The following COP1 variants were observed in gnomAD, a reference collection of about 807,000 sequenced individuals.
COP1 encodes E3 ubiquitin-protein ligase COP1.
A neutral mutation model predicts 101.3 loss-of-function variants in COP1; 24 were observed. The observed-to-expected ratio is 0.24, with a 90% CI of 0.17 to 0.33. The LOEUF is 0.33. Among genes scored for constraint, COP1 ranks in the 10% least tolerant of loss-of-function variants. The pLI is 1.00. For missense variants in COP1, 663 were observed against 906.2 expected, an observed-to-expected ratio of 0.73 and a Z score of 3.45; for synonymous variants, 347 against 341.9, an observed-to-expected ratio of 1.01 and a Z score of -0.17.
chr1:176,151,231 G>C (rs532765977), intron 5 of COP1, among the ~76,000 whole-genome samples: 1 of 136,664 alleles, frequency 7.3e-6, no homozygotes, highest in East Asian at 2.1e-4. Context: ...AGAATAAAGA[G>C]AAATGTATTT....
chr1:176,008,758 T>TA (rs1362457808), intron 15 of COP1, among the ~76,000 whole-genome samples: 36 of 152,340 alleles, frequency 2.4e-4, no homozygotes, highest in African/African-American at 7.7e-4. Flanking sequence ...GTTTGTGGTT[T>TA]AATGACTTCC....
chr1:176,119,216 A>C (rs1686700466), intron 8 of COP1, among the ~76,000 whole-genome samples: 2 of 152,234 alleles, frequency 1.3e-5, no homozygotes. Flanking sequence ...AATGCAATGC[A>C]TTAAAAATCT....
chr1:176,183,736 T>C (rs948904903), intron 2 of COP1, among the ~76,000 whole-genome samples: 4 of 152,086 alleles, frequency 2.6e-5, no homozygotes, highest in East Asian at 1.9e-4. Flanking sequence ...ATAAACAAAA[T>C]GTAGTATATA....
At chr1:176,107,105 A>C (rs1194460837) in intron 9 of COP1, among the ~76,000 whole-genome samples, 2 of 152,218 alleles carry the variant, frequency 1.3e-5, no homozygotes, top group African/African-American at 4.8e-5. Context: ...ACTGTTCCAG[A>C]AATATAAATG....
intron 18 of COP1, among the ~76,000 whole-genome samples, chr1:175,971,645 A>C (rs570910064): frequency 2.0e-5 from 3 of 152,276 alleles, no homozygotes; most frequent in African/African-American, 7.2e-5. Flanking sequence ...CCCATGAGCT[A>C]TTTCTGAGTT....
At chr1:176,049,289 T>A (rs1195331243) in intron 11 of COP1, among the ~76,000 whole-genome samples, 1 of 152,120 alleles carries the variant, frequency 6.6e-6, no homozygotes, top group African/African-American at 2.4e-5. Context: ...TTTTTCTACA[T>A]GTTATTATTT....
At chr1:175,968,282 G>A (rs1652479760) in intron 18 of COP1, 2 of 297,452 alleles carry the variant, frequency 6.7e-6, no homozygotes, top group Middle Eastern at 7.1e-4. Flanking sequence ...CAGTTCAGAC[G>A]GATACAGAGG....
chr1:176,007,158 C>T (rs1190836396), intron 15 of COP1, among the ~76,000 whole-genome samples: 1 of 152,148 alleles, frequency 6.6e-6, no homozygotes, highest in Non-Finnish European at 1.5e-5. Context: ...CTTCTGCATT[C>T]TTCACGTAGT....
chr1:175,969,409 A>C (rs1036401990), intron 18 of COP1, among the ~76,000 whole-genome samples: 2 of 152,192 alleles, frequency 1.3e-5, no homozygotes, highest in Non-Finnish European at 2.9e-5. Context: ...GAAGCAGGTC[A>C]TAAGACTCTC....
At chr1:176,006,658 A>G (rs570808472) in intron 15 of COP1, among the ~76,000 whole-genome samples, 4 of 152,260 alleles carry the variant, frequency 2.6e-5, no homozygotes, top group East Asian at 3.9e-4. Flanking sequence ...CTTTTCTTTA[A>G]GAATGTTGAA....
intron 18 of COP1, among the ~76,000 whole-genome samples, chr1:175,981,099 A>C (rs981274640): frequency 6.6e-6 from 1 of 152,184 alleles, no homozygotes; most frequent in Non-Finnish European, 1.5e-5. Context: ...AAAAAAGATA[A>C]GACTTTCATC....
intron 10 of COP1, among the ~76,000 whole-genome samples, chr1:176,085,519 T>C (rs572367481): frequency 1.3e-5 from 2 of 152,330 alleles, no homozygotes; most frequent in Non-Finnish European, 1.5e-5. Flanking sequence ...TGGCTACATA[T>C]TCATAGCTGA....
At chr1:175,946,846 T>C (rs532441456) in intron 19 of COP1, among the ~76,000 whole-genome samples, 14 of 152,356 alleles carry the variant, frequency 9.2e-5, no homozygotes, top group African/African-American at 3.4e-4. Context: ...TTGCATCTCC[T>C]GCTATATTTT....
At chr1:176,100,954 GCAGATGA>G (rs1572235356) in intron 9 of COP1, among the ~76,000 whole-genome samples, 1 of 152,096 alleles carries the variant, frequency 6.6e-6, no homozygotes, top group East Asian at 1.9e-4. Context: ...GGATCCAGAG[GCAGATGA>G]TAACAGAAGT....
At chr1:176,092,144 G>A (rs1681445822) in intron 9 of COP1, among the ~76,000 whole-genome samples, 1 of 152,042 alleles carries the variant, frequency 6.6e-6, no homozygotes, top group Admixed American at 6.5e-5. Context: ...AGTCAACTGA[G>A]TTATGCAACT....
intron 8 of COP1, among the ~76,000 whole-genome samples, chr1:176,130,884 A>C (rs1465587256): frequency 6.6e-6 from 1 of 151,836 alleles, no homozygotes; most frequent in Admixed American, 6.6e-5. Flanking sequence ...AGAAATCTTT[A>C]CAAAACAAAA....
chr1:175,988,839 A>G (rs1032596230), intron 16 of COP1: 9 of 157,520 alleles, frequency 5.7e-5, no homozygotes, highest in Non-Finnish European at 9.8e-5. Context: ...TGCCAAAAAA[A>G]AAAAGTTTTC....
At chr1:176,052,242 C>A (rs1441056662) in intron 11 of COP1, among the ~76,000 whole-genome samples, 2 of 152,148 alleles carry the variant, frequency 1.3e-5, no homozygotes, top group Non-Finnish European at 1.5e-5. Context: ...TGTAGGTTTG[C>A]AGTCTAGGAG....
At chr1:176,083,137 A>G (rs753574753) in intron 10 of COP1, among the ~76,000 whole-genome samples, 57 of 152,328 alleles carry the variant, frequency 3.7e-4, no homozygotes, top group Non-Finnish European at 7.6e-4. Context: ...TGGTCTGGAT[A>G]TAATAGTTAA....
Sources: allele counts gnomAD v4.1 joint callset (sites outside exome capture counted in the v4.1 genomes callset), GRCh38; gene constraint gnomAD v4.1.1; transcripts MANE v1.5; gene names NCBI Gene and HGNC (gene_info 2026-07-23, HGNC 2026-07-21).